Variants in N4BP2L2 observed in about 807,000 individuals in gnomAD.
The protein encoded by N4BP2L2 is NEDD4-binding protein 2-like 2.
Under a neutral mutation model 56.2 loss-of-function variants are expected in N4BP2L2, and 50 were observed. The observed-to-expected ratio is 0.89, with a 90% CI of 0.71 to 1.13. The LOEUF (loss-of-function observed/expected upper bound fraction) is 1.13. N4BP2L2 is among the 50% of genes most tolerant of loss of function. The pLI is 0.00. For synonymous variants in N4BP2L2, 203 were observed against 223.6 expected (o/e 0.91, Z 0.82); for missense variants, 689 against 693.8 (o/e 0.99, Z 0.08).
chr13:32,537,319 A>C (rs570275659), intron 1 of N4BP2L2, among the ~76,000 whole-genome samples: 45 of 152,096 alleles, frequency 3.0e-4, no homozygotes. Flanking sequence ...AATTTAGAAG[A>C]CCTAAAAGAT....
chr13:32,471,848 T>A (rs2082364274), intron 6 of N4BP2L2, among the ~76,000 whole-genome samples: 2 of 152,226 alleles, frequency 1.3e-5, no homozygotes, highest in African/African-American at 2.4e-5. Flanking sequence ...TTGTCGCCCA[T>A]CCACCCACTC....
At chr13:32,478,841 T>C (rs2083933287) in intron 6 of N4BP2L2, 1 of 152,142 alleles carries the variant, frequency 6.6e-6, no homozygotes, top group Non-Finnish European at 1.5e-5. Flanking sequence ...AATGGTATGA[T>C]ATTATTGGCC....
At chr13:32,459,561 CT>C (rs1216333659) in intron 6 of N4BP2L2, among the ~76,000 whole-genome samples, 1 of 151,920 alleles carries the variant, frequency 6.6e-6, no homozygotes, top group Non-Finnish European at 1.5e-5. Flanking sequence ...TATATACATC[CT>C]ACAATATTGA....
intron 5 of N4BP2L2, 93 bp from the exon 6 acceptor site, chr13:32,518,096 T>TAA (rs1291825497): frequency 2.7e-6 from 3 of 1,127,186 alleles, no homozygotes; most frequent in Non-Finnish European, 3.6e-6. Context: ...AAATTCTAAA[T>TAA]AATATTTTGT....
intron 6 of N4BP2L2, among the ~76,000 whole-genome samples, chr13:32,501,134 C>T (rs1317581715): frequency 6.6e-6 from 1 of 152,178 alleles, no homozygotes; most frequent in African/African-American, 2.4e-5. Context: ...TCCTAAAGCG[C>T]TGGGCTTACA....
chr13:32,442,582 C>A (rs1313044499), exon 7 of N4BP2L2: 2 of 1,613,856 alleles, frequency 1.2e-6, no homozygotes, highest in South Asian at 2.2e-5. Context: ...AGAAGTGACT[C>A]CCAAAGAGCA....
chr13:32,531,370 T>C (rs2054746352), intron 2 of N4BP2L2, among the ~76,000 whole-genome samples: 1 of 152,210 alleles, frequency 6.6e-6, no homozygotes, highest in Non-Finnish European at 1.5e-5. Context: ...GAGAATCTGT[T>C]CCCAAAACAA....
chr13:32,440,234 G>C (rs967895027), intron 7 of N4BP2L2, among the ~76,000 whole-genome samples: 1 of 152,082 alleles, frequency 6.6e-6, no homozygotes, highest in African/African-American at 2.4e-5. Flanking sequence ...TAGGAGCCAA[G>C]TTAAAAAACT....
intron 3 of N4BP2L2, chr13:32,524,489 T>C (rs1454696450): frequency 1.3e-5 from 2 of 152,232 alleles, no homozygotes; most frequent in Admixed American, 1.3e-4. Context: ...GGAATAGTTT[T>C]CTTAAACAAA....
At chr13:32,442,317 A>G (rs2076515702) in intron 7 of N4BP2L2, 22 of 1,302,652 alleles carry the variant, frequency 1.7e-5, no homozygotes, top group Non-Finnish European at 2.1e-5. Flanking sequence ...ACCACCAGGT[A>G]GAAACACCTC....
intron 6 of N4BP2L2, among the ~76,000 whole-genome samples, chr13:32,490,638 T>C (rs547914766): frequency 4.6e-5 from 7 of 152,298 alleles, no homozygotes; most frequent in African/African-American, 1.4e-4. Flanking sequence ...ATTTGGTGAC[T>C]TACACAAGCA....
chr13:32,437,774 C>A (rs1169826102), intron 8 of N4BP2L2, among the ~76,000 whole-genome samples: 1 of 152,180 alleles, frequency 6.6e-6, no homozygotes, highest in African/African-American at 2.4e-5. Context: ...AAAGGACTCA[C>A]CTACAGTGGG....
At chr13:32,505,272 TC>T (rs1435310378) in intron 6 of N4BP2L2, 1 of 152,226 alleles carries the variant, frequency 6.6e-6, no homozygotes, top group East Asian at 1.9e-4. Context: ...TCTGTTCCCT[TC>T]GGTACCAGCC....
exon 2 of N4BP2L2, chr13:32,536,704 T>A: frequency 6.2e-7 from 1 of 1,614,146 alleles, no homozygotes; most frequent in Non-Finnish European, 8.5e-7. Context: ...CGGATACTAA[T>A]GGAGGACGTG....
downstream of N4BP2L2, chr13:32,506,023 GT>G: frequency 6.6e-6 from 1 of 152,222 alleles, no homozygotes; most frequent in Middle Eastern, 3.4e-3. Flanking sequence ...ATCCATATAA[GT>G]TTACTAGGGC....
intron 6 of N4BP2L2, among the ~76,000 whole-genome samples, chr13:32,456,030 C>G (rs773496257): frequency 6.6e-6 from 1 of 152,212 alleles, no homozygotes; most frequent in African/African-American, 2.4e-5. Context: ...TGGTTCACTG[C>G]TGCTACTCCT....
chr13:32,497,045 G>A (rs1213895734), intron 6 of N4BP2L2, among the ~76,000 whole-genome samples: 1 of 152,166 alleles, frequency 6.6e-6, no homozygotes, highest in Non-Finnish European at 1.5e-5. Flanking sequence ...GTGAACTCCT[G>A]CTTCTCAAAG....
At chr13:32,494,489 C>T (rs578228132) in intron 6 of N4BP2L2, among the ~76,000 whole-genome samples, 269 of 151,898 alleles carry the variant, frequency 1.8e-3, no homozygotes, top group Non-Finnish European at 3.3e-3. Flanking sequence ...TTAGGCTGGG[C>T]GCGGTGGCTC....
At chr13:32,480,666 G>T in intron 6 of N4BP2L2, 1 of 1,264,658 alleles carries the variant, frequency 7.9e-7, no homozygotes, top group Non-Finnish European at 1.0e-6. Flanking sequence ...TTTAGATTGT[G>T]CTTCACAACT....
Sources: allele counts gnomAD v4.1 joint callset (sites outside exome capture counted in the v4.1 genomes callset), GRCh38; gene constraint gnomAD v4.1.1; transcripts MANE v1.5; gene names NCBI Gene and HGNC (gene_info 2026-07-23, HGNC 2026-07-21).